The following PCDHA8 variants were observed in gnomAD, a reference collection of about 807,000 sequenced individuals.
PCDHA8 encodes protocadherin alpha-8.
In PCDHA8, 53 loss-of-function variants were observed where a neutral mutation model predicts 61.8. The ratio of observed to expected loss-of-function variants is 0.86; its 90% CI spans 0.69 to 1.08. The LOEUF (loss-of-function observed/expected upper bound fraction) is 1.08. Ranked by LOEUF, PCDHA8 falls within the 50% of genes least tolerant of loss-of-function variation. The pLI is 0.00. For missense variants in PCDHA8, 1,293 were observed against 1,245.0 expected (o/e 1.04, Z -0.58); for synonymous variants, 618 against 556.6 (o/e 1.11, Z -1.55).
chr5:140,965,283 A>G (rs1342044804), intron 1 of PCDHA8, among the ~76,000 whole-genome samples: 1 of 152,200 alleles, frequency 6.6e-6, no homozygotes, highest in Non-Finnish European at 1.5e-5. Context: ...CACAGCATGG[A>G]AAGATTTCCT....
At chr5:140,884,299 G>A in intron 1 of PCDHA8, 1 of 1,613,736 alleles carries the variant, frequency 6.2e-7, no homozygotes, top group Non-Finnish European at 8.5e-7. Context: ...AAGCGCCACA[G>A]GCTTCGTCGA....
intron 1 of PCDHA8, chr5:140,969,386 C>T (rs782109093): frequency 2.5e-6 from 4 of 1,596,966 alleles, no homozygotes; most frequent in South Asian, 1.1e-5. Flanking sequence ...TACACATCCC[C>T]CAATATCCTG....
chr5:140,842,154 C>A lies in PCDHA8; in HGVS notation c.833C>A (p.Ser278Ter). Residue 278 changes from serine to a stop codon, truncating the protein, a stop_gained, in exon 1 of 4, where the codon TCA becomes TAA. Coordinates refer to ENST00000531613, the MANE Select transcript of PCDHA8 (RefSeq NM_018911.3). LOFTEE classifies it high-confidence loss of function. ...DPDEGANGAISYSFNSLVETM... is the reference protein window; with the variant it reads ...DPDEGANGAI The stretch of plus-strand genomic sequence containing the variant: ...GATGAAGGAGCCAATGGGGCAATTT[C>A]ATATTCTTTTAATAGCCTTGTTGAA... The A allele has an allele frequency of 6.2e-7, 1 of 1,613,876 alleles. No individual in the cohort carries two copies. Among genetic ancestry groups the A allele is most frequent in the Non-Finnish European group, 8.5e-7 (1 of 1,179,854 alleles).
chr5:140,967,154 G>A, intron 1 of PCDHA8: 2 of 1,610,730 alleles, frequency 1.2e-6, no homozygotes, highest in Non-Finnish European at 1.7e-6. Flanking sequence ...CAACCCCGTG[G>A]CGGTGAGCGC....
chr5:140,877,201 G>T, intron 1 of PCDHA8: 1 of 1,613,830 alleles, frequency 6.2e-7, no homozygotes, highest in South Asian at 1.1e-5. Flanking sequence ...AGGAGGCGCA[G>T]TTAGCGAGTT....
At chr5:140,853,130 C>T in intron 1 of PCDHA8, 1 of 617,250 alleles carries the variant, frequency 1.6e-6, no homozygotes, top group Non-Finnish European at 2.1e-6. Context: ...CCTCCCGCCT[C>T]AGCCTCCCAA....
rs1581182642 is a variant in PCDHA8 at position 140,849,406 on chromosome 5, T to A, written c.2394+5691T>A. ...GACCCCTTAAGTGGGGCAATCACAG[T>A]GATAGGACATATGGATTTTGAAGAA... On this transcript the variant is annotated intron_variant, in intron 1 of 3. Transcript: ENST00000531613. 1.3e-5 allele frequency: 20 copies of A among 1,558,610 alleles called. 3 individuals carry two copies. The highest frequency in any genetic ancestry group is 7.2e-5 in the African/African-American group (5 of 69,302).
chr5:140,863,417 G>A (rs182048002), intron 1 of PCDHA8: 5 of 701,164 alleles, frequency 7.1e-6, no homozygotes, highest in Non-Finnish European at 9.9e-6. Flanking sequence ...CTGGTGTACC[G>A]CAGCGTAGTG....
Position 140,851,165 on chromosome 5 carries a change from G to A in PCDHA8, c.2394+7450G>A. Reference sequence around the variant, plus strand: ...GACATTGAATTTCTGATGCTATGCTGCCATAACACTTGAAAACCAATTTAG... The same window carrying A: ...GACATTGAATTTCTGATGCTATGCTACCATAACACTTGAAAACCAATTTAG... On this transcript the variant is annotated intron_variant, in intron 1 of 3. Transcript: ENST00000531613. 5 of 1,284,508 alleles carry A rather than the reference G, an allele frequency of 3.9e-6. 1 individual carries two copies. Among genetic ancestry groups the A allele is most frequent in the Non-Finnish European group, 5.0e-6 (5 of 997,876 alleles). 79.6% of individuals were successfully genotyped at this position (1,284,508 alleles called of 1,614,324 possible).
At chr5:140,948,395 T>C (rs1317288202) in intron 1 of PCDHA8, among the ~76,000 whole-genome samples, 1 of 151,580 alleles carries the variant, frequency 6.6e-6, no homozygotes, top group African/African-American at 2.4e-5. Context: ...TTCTGAAAGG[T>C]TGTGTAATAT....
chr5:140,913,807 C>A (rs2076472600), intron 1 of PCDHA8, among the ~76,000 whole-genome samples: 1 of 152,068 alleles, frequency 6.6e-6, no homozygotes, highest in African/African-American at 2.4e-5. Flanking sequence ...ATCAAATTTT[C>A]AATTTCCTTT....
chr5:140,969,051 A>T (rs908108421), intron 1 of PCDHA8: 3 of 1,614,062 alleles, frequency 1.9e-6, no homozygotes, highest in Non-Finnish European at 1.7e-6. Context: ...CAAGCCAACA[A>T]CAATATTGAT....
intron 1 of PCDHA8, chr5:140,867,368 C>A (rs1036514483): frequency 6.6e-6 from 1 of 151,940 alleles, no homozygotes; most frequent in African/African-American, 2.4e-5. Context: ...TTTACAGATG[C>A]GTAATGGAAT....
intron 1 of PCDHA8, among the ~76,000 whole-genome samples, chr5:140,904,681 A>G (rs1562946233): frequency 6.6e-6 from 1 of 152,192 alleles, no homozygotes; most frequent in South Asian, 2.1e-4. Context: ...CATTCCCACC[A>G]GCAGTGTAAA....
rs78042832 is a variant in PCDHA8, at chr5:140,978,370, A to G, written c.2395-579A>G. Among the ~76,000 whole-genome samples, 198 of 152,318 alleles carry G rather than the reference A, an allele frequency of 1.3e-3. 1 individual carries two copies. The East Asian group carries it at 0.027, about 21-fold the overall frequency. On this transcript the variant is annotated intron_variant, in intron 1 of 3. Transcript: ENST00000531613. ...TAGCAAAACAAGGTCAAACTCTGCA[A>G]TAGTTTGTTTTCCTCTCCCTAGTAT...
rs548391443 is a variant in PCDHA8, at chr5:140,892,979, C to T, written c.2394+49264C>T. Among the ~76,000 whole-genome samples, 6 of 152,224 alleles carry T rather than the reference C, an allele frequency of 3.9e-5. No individual in the cohort carries two copies. The South Asian group carries it at 1.2e-3, about 32-fold the overall frequency. On this transcript the variant is annotated intron_variant, in intron 1 of 3. Transcript: ENST00000531613. ...GAGCTCAATAAAATTTTGTAGCTGC[C>T]GTATAAGTGAGAACATGTATTTATT...
At chr5:140,947,949 AT>A (rs1326528139) in intron 1 of PCDHA8, among the ~76,000 whole-genome samples, 1 of 151,494 alleles carries the variant, frequency 6.6e-6, no homozygotes, top group African/African-American at 2.4e-5. Context: ...AGTGTTCCAT[AT>A]TTTACAATTA....
Position 140,928,358 on chromosome 5 carries a change from CT to C in PCDHA8, c.2395-50590del, listed in dbSNP as rs782782118. 3.7e-6 allele frequency: 6 copies of C among 1,614,178 alleles called. No homozygotes were observed. In the Admixed American group the frequency reaches 1.0e-4, roughly 27 times the overall value. ...TCTTATGAGCTGTTGGATGTTATCT[CT>C]GAAGGGCCATCAGCCTCTAGCTTGC... On this transcript the variant is annotated intron_variant, in intron 1 of 3. Coordinates refer to ENST00000531613, the MANE Select transcript of PCDHA8 (RefSeq NM_018911.3).
chr5:140,930,055 A>G (rs1249446079), intron 1 of PCDHA8: 2 of 152,206 alleles, frequency 1.3e-5, no homozygotes, highest in Admixed American at 6.5e-5. Context: ...GTTTTTGCTT[A>G]CACAAAAACT....
Sources: allele counts gnomAD v4.1 joint callset (sites outside exome capture counted in the v4.1 genomes callset), GRCh38; gene constraint gnomAD v4.1.1; transcripts MANE v1.5; gene names NCBI Gene and HGNC (gene_info 2026-07-23, HGNC 2026-07-21).